The following ITGA8 variants were observed in gnomAD, a reference collection of about 807,000 sequenced individuals.
ITGA8 encodes the protein integrin alpha-8.
A neutral mutation model predicts 142.3 loss-of-function variants in ITGA8; 91 were observed. That is an observed-to-expected ratio of 0.64 (90% CI 0.54 to 0.76). ITGA8 has a LOEUF of 0.76. ITGA8 is among the 30% of genes least tolerant of loss of function. The probability of loss-of-function intolerance (pLI) is 0.00; values close to 1 mark genes in which losing one functional copy is unlikely to be tolerated. For missense variants in ITGA8, 1,406 were observed against 1,327.7 expected, an observed-to-expected ratio of 1.06 and a Z score of -0.92; for synonymous variants, 505 against 485.2, an observed-to-expected ratio of 1.04 and a Z score of -0.54.
At chr10:15,694,735 G>A (rs1270347106) in intron 2 of ITGA8, among the ~76,000 whole-genome samples, 1 of 108,956 alleles carries the variant, frequency 9.2e-6, no homozygotes, top group Non-Finnish European at 1.9e-5. Flanking sequence ...TAGGAACCTA[G>A]AAATTCAACC....
intron 8 of ITGA8, among the ~76,000 whole-genome samples, chr10:15,662,102 A>G (rs1834298487): frequency 6.6e-6 from 1 of 152,100 alleles, no homozygotes; most frequent in African/African-American, 2.4e-5. Context: ...CCCACCCAGT[A>G]ACTGTGAAGT....
chr10:15,624,607 G>A (rs1273769402), intron 13 of ITGA8, among the ~76,000 whole-genome samples: 1 of 152,096 alleles, frequency 6.6e-6, no homozygotes, highest in Non-Finnish European at 1.5e-5. Context: ...ACAGACGCCT[G>A]ACTCCTGTCT....
rs1304698621 is a variant in ITGA8, at chr10:15,516,608, C to T, written c.*550G>A. 2 of 152,130 alleles carry T rather than the reference C, an allele frequency of 1.3e-5. No homozygotes were observed. Among genetic ancestry groups the T allele is most frequent in the Non-Finnish European group, 2.9e-5 (2 of 68,026 alleles). 9.4% of individuals were successfully genotyped at this position (152,130 alleles called of 1,614,324 possible). A position where few individuals can be genotyped will look rare whatever the true frequency, so the allele number is the denominator to read the frequency against. ...CCTCACTCACAAGATTATTTTTGTC[C>T]TTTCAAAAGTACTTTCACAGTACCA... On this transcript the variant is annotated 3_prime_UTR_variant, in exon 30 of 30. Transcript: ENST00000378076.
chr10:15,542,256 G>A (rs1183257176), intron 27 of ITGA8, among the ~76,000 whole-genome samples: 3 of 152,160 alleles, frequency 2.0e-5, no homozygotes, highest in African/African-American at 7.2e-5. Context: ...TTAAAACAGT[G>A]CTGCTGCATA....
At chr10:15,649,007 C>T (rs1834037514) in intron 11 of ITGA8, among the ~76,000 whole-genome samples, 1 of 152,036 alleles carries the variant, frequency 6.6e-6, no homozygotes, top group Admixed American at 6.6e-5. Flanking sequence ...AGGCTGGGTG[C>T]TTGGAGGGAA....
chr10:15,632,824 G>A (rs900991452), intron 13 of ITGA8, among the ~76,000 whole-genome samples: 3 of 151,978 alleles, frequency 2.0e-5, no homozygotes, highest in Non-Finnish European at 2.9e-5. Context: ...TATAGACAGT[G>A]GGATCTCTTG....
intron 8 of ITGA8, 60 bp downstream of exon 8, chr10:15,671,543 A>C (rs539675700): frequency 2.3e-5 from 32 of 1,397,934 alleles, no homozygotes; most frequent in Admixed American, 3.4e-5. Flanking sequence ...AAAACTTTAT[A>C]TGCCATTTTA....
intron 27 of ITGA8, among the ~76,000 whole-genome samples, chr10:15,533,532 T>C (rs1298819814): frequency 6.6e-6 from 1 of 152,208 alleles, no homozygotes; most frequent in Non-Finnish European, 1.5e-5. Context: ...AATGAGATCT[T>C]GTGGGTAAGG....
chr10:15,622,232 C>T (rs1032886381), intron 13 of ITGA8, among the ~76,000 whole-genome samples: 1 of 151,978 alleles, frequency 6.6e-6, no homozygotes, highest in African/African-American at 2.4e-5. Context: ...CTGTGGCCAC[C>T]CAAGCACCTA....
chr10:15,639,408 C>G (rs1301638667), intron 13 of ITGA8, among the ~76,000 whole-genome samples: 3 of 152,128 alleles, frequency 2.0e-5, no homozygotes, highest in African/African-American at 7.2e-5. Context: ...TCTCTCATCC[C>G]CATCTCAGAG....
At chr10:15,677,460 G>A (rs973343425) in intron 6 of ITGA8, 132 bp downstream of exon 6, 16 of 666,540 alleles carry the variant, frequency 2.4e-5, no homozygotes, top group African/African-American at 3.7e-5. Context: ...AAGAAATAAC[G>A]CTTCATTTGA....
chr10:15,652,803 T>C (rs532633658), intron 11 of ITGA8, among the ~76,000 whole-genome samples: 61 of 152,174 alleles, frequency 4.0e-4, no homozygotes, highest in Non-Finnish European at 8.1e-4. Flanking sequence ...TACAGAGTCA[T>C]TCCACTGCCC....
rs764251072 is a variant in ITGA8, at chr10:15,718,798, G to A, written c.311C>T (p.Ala104Val). 7 of 1,613,992 alleles carry A rather than the reference G, an allele frequency of 4.3e-6. No homozygotes were observed. Among genetic ancestry groups the A allele is most frequent in the Non-Finnish European group, 5.1e-6 (6 of 1,180,050 alleles). Reference protein sequence around the residue: ...YYCPWPAEGSAQCRQIPFDTT... With the variant: ...YYCPWPAEGSVQCRQIPFDTT... ...GTCAAACGGTATCTGCCTGCACTGC[G>A]CAGACCCCTCCGCGGGCCAAGGACA... The change falls in exon 2 of 30, where the codon GCG (alanine) becomes GTG (valine). Residue 104 changes from alanine to valine, a missense_variant. Transcript: ENST00000378076.
At chr10:15,715,712 T>G (rs1298439264) in intron 2 of ITGA8, among the ~76,000 whole-genome samples, 1 of 152,260 alleles carries the variant, frequency 6.6e-6, no homozygotes, top group African/African-American at 2.4e-5. Flanking sequence ...GATGTCTGTT[T>G]CCACCTTTCA....
chr10:15,541,477 T>A (rs539186321), intron 27 of ITGA8, among the ~76,000 whole-genome samples: 2 of 152,354 alleles, frequency 1.3e-5, no homozygotes, highest in Non-Finnish European at 2.9e-5. Flanking sequence ...GAATATCTGC[T>A]GCTTCCTGAG....
At chr10:15,597,114 T>G in intron 21 of ITGA8, 93 bp downstream of exon 21, 27 of 924,976 alleles carry the variant, frequency 2.9e-5, no homozygotes, top group Non-Finnish European at 4.7e-5. Flanking sequence ...TGCTAGGTGC[T>G]GAGTTGCTGA....
chr10:15,538,692 TA>T (rs1301336632), intron 27 of ITGA8, among the ~76,000 whole-genome samples: 16 of 152,064 alleles, frequency 1.1e-4, no homozygotes, highest in African/African-American at 3.9e-4. Flanking sequence ...GACAAATTGT[TA>T]AGGTGTTAAA....
intron 8 of ITGA8, among the ~76,000 whole-genome samples, chr10:15,665,471 G>A (rs1588708494): frequency 6.6e-6 from 1 of 152,118 alleles, no homozygotes; most frequent in African/African-American, 2.4e-5. Context: ...TAGGTTGCCT[G>A]TTCACTCTGA....
intron 29 of ITGA8, 96 bp from the exon 30 acceptor site, chr10:15,517,340 TTA>T: frequency 4.0e-6 from 3 of 756,852 alleles, no homozygotes; most frequent in Non-Finnish European, 4.2e-6. Flanking sequence ...TTTTTTTTTT[TTA>T]AACTGAGTCT....
Sources: gnomAD v4.1 joint callset for allele counts (sites outside exome capture counted in the v4.1 genomes callset) on GRCh38, gnomAD v4.1.1 for gene constraint, MANE v1.5 for transcripts, NCBI Gene and HGNC (gene_info 2026-07-23, HGNC 2026-07-21) for gene names.